Variants in P4HB observed in about 807,000 individuals in gnomAD.
P4HB encodes protein disulfide-isomerase.
A neutral mutation model predicts 52.6 loss-of-function variants in P4HB; 20 were observed. The observed-to-expected ratio is 0.38, with a 90% confidence interval of 0.27 to 0.55. The LOEUF is 0.55. Ranked by LOEUF, P4HB falls within the 20% of genes least tolerant of loss-of-function variation. The probability of loss-of-function intolerance (pLI) is 0.74; values close to 1 mark genes in which losing one functional copy is unlikely to be tolerated. For synonymous variants in P4HB, 296 were observed against 277.9 expected (o/e 1.07, Z -0.65); for missense variants, 601 against 669.2 (o/e 0.90, Z 1.12).
chr17:81,849,388 T>G (rs895984684), intron 4 of P4HB, among the ~76,000 whole-genome samples: 22 of 151,414 alleles, frequency 1.5e-4, no homozygotes, highest in Non-Finnish European at 2.4e-4. Context: ...CCCAACTACT[T>G]GGGAGGCTGA....
Position 81,845,216 on chromosome 17 carries a change from G to T in P4HB, c.1374C>A (p.Asn458Lys). The change falls in exon 10 of 11, where the codon AAC (asparagine) becomes AAA (lysine). Residue 458 changes from asparagine (N) to lysine (K), a missense_variant. Physicochemically the swap from Asn to Lys is moderately conservative, Grantham distance 94. Transcript: ENST00000331483. ...ASADRTVIDYNGERTLDGFKK... is the reference protein window; with the variant it reads ...ASADRTVIDYKGERTLDGFKK... Reference sequence around the variant, plus strand: ...TAAAACCATCCAGCGTGCGTTCCCCGTTGTAATCAATGACCTGTGGAAGAC... The same window carrying T: ...TAAAACCATCCAGCGTGCGTTCCCCTTTGTAATCAATGACCTGTGGAAGAC... 1 of 1,613,264 alleles carries T rather than the reference G, an allele frequency of 6.2e-7. No individual in the cohort carries two copies. The highest frequency in any genetic ancestry group is 8.5e-7 in the Non-Finnish European group (1 of 1,179,368).
At position 81,843,991 on chromosome 17, in the gene P4HB, G is replaced by GC; in HGVS notation, c.*20dup. The GC allele has an allele frequency of 3.8e-6, 6 of 1,588,976 alleles. No homozygotes were observed. The highest frequency in any genetic ancestry group is 5.2e-6 in the Non-Finnish European group (6 of 1,157,442). ...GCAGCCCCCGAGGGGTCTCGGCAGC[G>GC]CCCGGGTCTGGCTTTGCGTATTACA... On this transcript the variant is annotated 3_prime_UTR_variant, in exon 11 of 11. Transcript: ENST00000331483.
Position 81,855,335 on chromosome 17 carries a change from G to A in P4HB, c.487-56C>T. ...ATGATCCCGCAGCACCAAGCAGTAG[G>A]GCAGACCCTGTAGAGCCCAGGCCAG... On this transcript the variant is annotated intron_variant, in intron 3 of 10. Coordinates refer to ENST00000331483, the MANE Select transcript of P4HB (RefSeq NM_000918.4). The surrounding 1 kb of genome is among the most constrained non-coding windows in gnomAD (Gnocchi z 4.3). The A allele has an allele frequency of 2.5e-6, 4 of 1,611,106 alleles. No homozygotes were observed. The highest frequency in any genetic ancestry group is 3.4e-6 in the Non-Finnish European group (4 of 1,178,228).
intron 4 of P4HB, among the ~76,000 whole-genome samples, chr17:81,848,845 G>A (rs542339951): frequency 6.6e-6 from 1 of 151,194 alleles, no homozygotes; most frequent in East Asian, 1.9e-4. Flanking sequence ...ACGAGTTTGG[G>A]ACCAGCCTGG....
chr17:81,846,221 G>A lies in P4HB; in HGVS notation c.1056+208C>T. 1 of 722,896 alleles carries A rather than the reference G, an allele frequency of 1.4e-6. No individual in the cohort carries two copies. The highest frequency in any genetic ancestry group is 2.9e-5 in the Admixed American group (1 of 34,302). The allele number at this position is 722,896 out of a possible 1,614,324, so 44.8% of individuals were successfully genotyped here. A position where few individuals can be genotyped will look rare whatever the true frequency, so the allele number is the denominator to read the frequency against. On this transcript the variant is annotated intron_variant, in intron 7 of 10. Transcript: ENST00000331483. This position sits in a 1 kb window ranked among gnomAD's most constrained non-coding sequence, Gnocchi z 5.7. ...TCGCCGGCCAGGAGGTTTCCCTGAG[G>A]AGCATCTGGGCCAGCCGTGTGGACA...
At chr17:81,847,599 T>C in intron 4 of P4HB, 1 of 541,818 alleles carries the variant, frequency 1.8e-6, no homozygotes, top group Non-Finnish European at 3.3e-6. Context: ...CTGGCGCACG[T>C]GGTCCTCCAG....
At position 81,844,027 on chromosome 17, in the gene P4HB, C is replaced by T. The variant is rs1487743263; in HGVS notation, c.1512G>A (p.Val504=). The part of the protein sequence containing the change: ...DMEEDDDQKA[V]KDEL ...GCTTTGCGTATTACAGTTCATCTTT[C>T]ACAGCTTTCTGATCATCGTCTTCCT... Residue 504 remains valine (V), a synonymous_variant, in exon 11 of 11, where the codon GTG becomes GTA. Transcript: ENST00000331483. 5 of 1,613,464 alleles carry T rather than the reference C, an allele frequency of 3.1e-6. No homozygotes were observed. In the African/African-American group the frequency reaches 6.7e-5, roughly 22 times the overall value.
At position 81,860,377 on chromosome 17, in the gene P4HB, CT is replaced by C. The variant is rs1160480866; in HGVS notation, c.94del (p.Ser32AlafsTer39). ...GGCCGCCAGCGCCTCCGCGAAGTTG[CT>C]TTTCCGCAGCACCAGGACGTGGTCC... ...EEDHVLVLRKSNFAEALAAHK... is the reference protein window; with the variant it reads ...EEDHVLVLRKXNFAEALAAHK... On this transcript the variant is annotated frameshift_variant, in exon 1 of 11. Coordinates refer to ENST00000331483, the MANE Select transcript of P4HB (RefSeq NM_000918.4). LOFTEE classifies it high-confidence loss of function. 1 of 1,474,132 alleles carries C rather than the reference CT, an allele frequency of 6.8e-7. No homozygotes were observed. The highest frequency in any genetic ancestry group is 9.0e-7 in the Non-Finnish European group (1 of 1,112,038). The allele number at this position is 1,474,132 out of a possible 1,614,324, so 91.3% of individuals were successfully genotyped here. A position where few individuals can be genotyped will look rare whatever the true frequency, so the allele number is the denominator to read the frequency against.
rs201256987 is a variant in P4HB at position 81,843,530 on chromosome 17, G to A, written c.*482C>T. On this transcript the variant is annotated 3_prime_UTR_variant, in exon 11 of 11. Transcript: ENST00000331483. ...ATGATCAGTCATGGCGACACTGCAG[G>A]CGGTACTGAGTGACCATGTCCAGTC... 4 of 413,556 alleles carry A rather than the reference G, an allele frequency of 9.7e-6. No individual in the cohort carries two copies. The highest frequency in any genetic ancestry group is 1.7e-5 in the Non-Finnish European group (4 of 234,952). 25.6% of individuals were successfully genotyped at this position (413,556 alleles called of 1,614,324 possible). A position where few individuals can be genotyped will look rare whatever the true frequency, so the allele number is the denominator to read the frequency against.
chr17:81,859,142 C>T (rs1309300709), intron 2 of P4HB, 39 bp downstream of exon 2: 1 of 1,590,464 alleles, frequency 6.3e-7, no homozygotes, highest in Non-Finnish European at 8.6e-7. Flanking sequence ...AGGCCAGTCC[C>T]TCTCTAAAGA....
At position 81,846,843 on chromosome 17, in the gene P4HB, C is replaced by T. The variant is rs1172105251; in HGVS notation, c.855+104G>A. 1.4e-6 allele frequency: 2 copies of T among 1,432,506 alleles called. No individual in the cohort carries two copies. The highest frequency in any genetic ancestry group is 4.5e-5 in the East Asian group (2 of 44,038). 88.7% of individuals were successfully genotyped at this position (1,432,506 alleles called of 1,614,324 possible). A position where few individuals can be genotyped will look rare whatever the true frequency, so the allele number is the denominator to read the frequency against. On this transcript the variant is annotated intron_variant, in intron 6 of 10. Coordinates refer to ENST00000331483, the MANE Select transcript of P4HB (RefSeq NM_000918.4). This position sits in a 1 kb window ranked among gnomAD's most constrained non-coding sequence, Gnocchi z 5.7. ...GGCTGTCCTGAATCAGGTGCCCGAT[C>T]CAGTCCAGCAGGCAGCCTCAGGAAG... is the stretch of plus-strand genomic sequence containing the variant.
At position 81,846,614 on chromosome 17, in the gene P4HB, T is replaced by C. The variant is rs1446459001; in HGVS notation, c.871A>G (p.Ile291Val). 13 of 1,613,880 alleles carry C rather than the reference T, an allele frequency of 8.1e-6. No individual in the cohort carries two copies. Among genetic ancestry groups the C allele is most frequent in the Non-Finnish European group, 1.1e-5 (13 of 1,180,024 alleles). Reference protein sequence around the residue: ...SFKGKILFIFIDSDHTDNQRI... With the variant: ...SFKGKILFIFVDSDHTDNQRI... Reference sequence around the variant, plus strand: ...TGGTTGTCGGTGTGGTCGCTGTCGATGAAGATGAACAGGATCTGGGGGAGA... The same window carrying C: ...TGGTTGTCGGTGTGGTCGCTGTCGACGAAGATGAACAGGATCTGGGGGAGA... The change falls in exon 7 of 11, where the codon ATC becomes GTC. Residue 291 changes from isoleucine to valine, a missense_variant. Coordinates refer to ENST00000331483, the MANE Select transcript of P4HB (RefSeq NM_000918.4). This position sits in a 1 kb window ranked among gnomAD's most constrained non-coding sequence, Gnocchi z 5.7.
At chr17:81,857,531 C>T (rs2038930501) in intron 2 of P4HB, among the ~76,000 whole-genome samples, 1 of 152,214 alleles carries the variant, frequency 6.6e-6, no homozygotes, top group Admixed American at 6.5e-5. Flanking sequence ...CAGCAGGCCT[C>T]ATTTTAGAGA....
In P4HB at chr17:81,856,430, C is replaced by T. The variant is rs189330657; in HGVS notation, c.353-844G>A. Among the ~76,000 whole-genome samples, 712 of 149,776 alleles carry T rather than the reference C, an allele frequency of 4.8e-3. 9 individuals are homozygous for T. The highest frequency in any genetic ancestry group is 0.017 in the African/African-American group (682 of 40,584). On this transcript the variant is annotated intron_variant, in intron 2 of 10. Coordinates refer to ENST00000331483, the MANE Select transcript of P4HB (RefSeq NM_000918.4). ...TCGGCTCACTGCAACCTCCACCTCC[C>T]GGGTTCAAGCAATTCTCCTGCCTGA... is the stretch of plus-strand genomic sequence containing the variant.
intron 1 of P4HB, chr17:81,860,069 G>A: frequency 2.8e-6 from 1 of 354,258 alleles, no homozygotes; most frequent in Admixed American, 4.8e-5. Context: ...TGCTCACACA[G>A]GTCGATCCTG....
intron 4 of P4HB, among the ~76,000 whole-genome samples, chr17:81,849,899 C>T (rs977893856): frequency 6.6e-6 from 1 of 151,962 alleles, no homozygotes; most frequent in Non-Finnish European, 1.5e-5. Flanking sequence ...ATGATCTCGG[C>T]TCACTGCAAC....
chr17:81,847,489 G>C (rs930144372), intron 4 of P4HB, 142 bp from the exon 5 acceptor site: 1 of 707,334 alleles, frequency 1.4e-6, no homozygotes, highest in Non-Finnish European at 2.6e-6. Context: ...CCAGCAATGG[G>C]TACAGGACAT....
intron 4 of P4HB, among the ~76,000 whole-genome samples, chr17:81,849,055 A>C (rs532350507): frequency 6.6e-6 from 1 of 151,568 alleles, no homozygotes; most frequent in African/African-American, 2.4e-5. Context: ...CAAAAAAAAA[A>C]AAAAATACAA....
chr17:81,844,154 C>T (rs1390316864), intron 10 of P4HB, 62 bp from the exon 11 acceptor site: 6 of 1,139,128 alleles, frequency 5.3e-6, no homozygotes, highest in African/African-American at 1.5e-5. Flanking sequence ...GCTGCCGGCC[C>T]CCAGCACCCC....
Sources: gnomAD v4.1 joint callset for allele counts (sites outside exome capture counted in the v4.1 genomes callset) on GRCh38, gnomAD v4.1.1 for gene constraint, Gnocchi (gnomAD v3.1) non-coding constraint, MANE v1.5 for transcripts, NCBI Gene and HGNC (gene_info 2026-07-23, HGNC 2026-07-21) for gene names.